ABCA13: variants seen among roughly 807,000 people sequenced by gnomAD.
ABCA13 encodes ATP binding cassette subfamily A member 13, also known as ATP-binding cassette sub-family A member 13.
ABCA13 carries 476 observed loss-of-function variants against 478.7 expected under a neutral mutation model. The observed-to-expected ratio is 0.99, with a 90% CI of 0.92 to 1.07. The LOEUF is 1.07. Among genes scored for constraint, ABCA13 ranks in the 50% least tolerant of loss-of-function variants. ABCA13 has a pLI of 0.00. For synonymous variants in ABCA13, 2,252 were observed against 2,158.9 expected (o/e 1.04, Z -1.20); for missense variants, 6,060 against 5,910.6 (o/e 1.03, Z -0.83).
At chr7:48,585,010 ATCTC>A (rs1238334923) in intron 56 of ABCA13, among the ~76,000 whole-genome samples, 1 of 151,912 alleles carries the variant, frequency 6.6e-6, no homozygotes, top group African/African-American at 2.4e-5. Flanking sequence ...TCCTTCCTTC[ATCTC>A]TCATATGAGT....
chr7:48,197,929 A>C (rs1798158616), intron 2 of ABCA13, among the ~76,000 whole-genome samples: 3 of 152,140 alleles, frequency 2.0e-5, no homozygotes, highest in Admixed American at 2.0e-4. Flanking sequence ...GGTGTCTGGA[A>C]GCTTGGCTGT....
At chr7:48,269,614 G>A (rs1431899059) in intron 16 of ABCA13, among the ~76,000 whole-genome samples, 2 of 152,168 alleles carry the variant, frequency 1.3e-5, no homozygotes, top group African/African-American at 4.8e-5. Flanking sequence ...GGTTATTTGT[G>A]GGGTGTATTG....
At chr7:48,404,018 C>G (rs771424901) in intron 39 of ABCA13, 139 bp downstream of exon 39, 1 of 1,025,710 alleles carries the variant, frequency 9.7e-7, no homozygotes, top group East Asian at 2.7e-5. Flanking sequence ...TTTTTAAAAG[C>G]ACTTATAGGG....
At chr7:48,184,124 T>C (rs1247561678) in intron 1 of ABCA13, among the ~76,000 whole-genome samples, 1 of 152,206 alleles carries the variant, frequency 6.6e-6, no homozygotes, top group Non-Finnish European at 1.5e-5. Flanking sequence ...CTCAGGCTTT[T>C]TACATTGTCC....
intron 14 of ABCA13, 47 bp from the exon 15 acceptor site, chr7:48,249,165 A>C: frequency 4.6e-6 from 7 of 1,524,122 alleles, no homozygotes; most frequent in Non-Finnish European, 6.3e-6. Context: ...GTCATCTGCA[A>C]GATCATTTTT....
chr7:48,465,974 C>T (rs1826835155), intron 43 of ABCA13, among the ~76,000 whole-genome samples: 2 of 151,984 alleles, frequency 1.3e-5, no homozygotes, highest in African/African-American at 4.8e-5. Context: ...CCAGGTATAT[C>T]TATATAATCT....
At position 48,645,406 on chromosome 7, in the gene ABCA13, G is replaced by GT. The variant is rs770440408; in HGVS notation, c.15082-4dup. 91 of 1,550,118 alleles carry GT rather than the reference G, an allele frequency of 5.9e-5. No individual in the cohort carries two copies. The highest frequency in any genetic ancestry group is 5.3e-4 in the African/African-American group (39 of 73,218). On this transcript the variant is annotated splice_polypyrimidine_tract_variant and intron_variant, in intron 61 of 61. Coordinates refer to ENST00000435803, the MANE Select transcript of ABCA13 (RefSeq NM_152701.5). Reference sequence around the variant, plus strand: ...CTTATAAGTAAACAACATTTTTATGGTTTTTTTCAGGTATTTATTAATTTT... The same window carrying GT: ...CTTATAAGTAAACAACATTTTTATGGTTTTTTTTCAGGTATTTATTAATTTT...
chr7:48,173,243 T>C (rs1271252166), intron 1 of ABCA13, among the ~76,000 whole-genome samples: 1 of 152,244 alleles, frequency 6.6e-6, no homozygotes, highest in Non-Finnish European at 1.5e-5. Context: ...TTAGTATTTA[T>C]CATCTTGTAA....
Position 48,272,948 on chromosome 7 carries a change from A to G in ABCA13, c.3282A>G (p.Leu1094=), listed in dbSNP as rs1350352237. Residue 1094 remains leucine, a synonymous_variant, in exon 17 of 62, where the codon CTA becomes CTG. Coordinates refer to ENST00000435803, the MANE Select transcript of ABCA13 (RefSeq NM_152701.5). ...TCTTCAACAGTTCAGTAGAAGACCTATTGGATAATAAATGCTTGATTTCGG... is the reference window on the plus strand; with the variant it reads ...TCTTCAACAGTTCAGTAGAAGACCTGTTGGATAATAAATGCTTGATTTCGG... The part of the protein sequence containing the change: ...SQFFNSSVED[L]LDNKCLISDN... The G allele has an allele frequency of 1.2e-6, 2 of 1,613,222 alleles. No homozygotes were observed. The highest frequency in any genetic ancestry group is 1.7e-6 in the Non-Finnish European group (2 of 1,179,558).
intron 60 of ABCA13, among the ~76,000 whole-genome samples, chr7:48,643,981 C>T (rs1252175177): frequency 6.6e-6 from 1 of 152,166 alleles, no homozygotes; most frequent in Non-Finnish European, 1.5e-5. Context: ...GTCTAAAAAT[C>T]TCTTGGATAA....
chr7:48,593,316 T>C (rs1410222329), intron 57 of ABCA13, among the ~76,000 whole-genome samples: 2 of 151,440 alleles, frequency 1.3e-5, no homozygotes, highest in Admixed American at 6.6e-5. Flanking sequence ...ACCAAGAATC[T>C]ATATAAAACA....
intron 29 of ABCA13, among the ~76,000 whole-genome samples, chr7:48,346,809 A>G (rs1808180254): frequency 1.3e-5 from 2 of 152,250 alleles, no homozygotes; most frequent in African/African-American, 4.8e-5. Context: ...GAAACAAGAT[A>G]AATAGTGCAA....
intron 3 of ABCA13, among the ~76,000 whole-genome samples, chr7:48,214,404 G>A (rs1447971420): frequency 6.6e-6 from 1 of 152,186 alleles, no homozygotes; most frequent in African/African-American, 2.4e-5. Flanking sequence ...GTCACCAGCT[G>A]TGTTAGCCCC....
At chr7:48,482,976 TA>T in intron 46 of ABCA13, 99 bp from the exon 47 acceptor site, 1 of 918,444 alleles carries the variant, frequency 1.1e-6, no homozygotes, top group South Asian at 1.8e-5. Context: ...GCTACTGTCC[TA>T]AGACTGCTGT....
chr7:48,259,987 A>T (rs924953903), intron 15 of ABCA13, among the ~76,000 whole-genome samples: 6 of 151,998 alleles, frequency 3.9e-5, no homozygotes, highest in Non-Finnish European at 7.4e-5. Flanking sequence ...TCTTTCTTGT[A>T]ATGACCATTT....
intron 35 of ABCA13, among the ~76,000 whole-genome samples, chr7:48,378,737 A>G (rs1813880908): frequency 1.3e-5 from 2 of 152,218 alleles, no homozygotes; most frequent in Admixed American, 6.5e-5. Flanking sequence ...CCAACTGGAG[A>G]AAAAGATCTG....
rs1486305486 is a variant in ABCA13, at chr7:48,388,063, T to C, written c.11473+104T>C. 21 of 1,241,372 alleles carry C rather than the reference T, an allele frequency of 1.7e-5. No individual in the cohort carries two copies. In the Admixed American group the frequency reaches 1.8e-4, roughly 11 times the overall value. The allele number at this position is 1,241,372 out of a possible 1,614,324, so 76.9% of individuals were successfully genotyped here. On this transcript the variant is annotated intron_variant, in intron 36 of 61. Transcript: ENST00000435803. ...TCCAGCCTTTTCAAGTGTGTGCTGA[T>C]TCCTAGAGAGACTTACATTTAGGCT...
chr7:48,617,734 C>T (rs527557106), intron 59 of ABCA13, among the ~76,000 whole-genome samples: 4 of 152,218 alleles, frequency 2.6e-5, no homozygotes, highest in African/African-American at 4.8e-5. Flanking sequence ...CATGAACAGT[C>T]GGGAACCCTT....
At chr7:48,243,866 T>TGAG (rs1047653625) in intron 10 of ABCA13, among the ~76,000 whole-genome samples, 4 of 152,210 alleles carry the variant, frequency 2.6e-5, no homozygotes, top group African/African-American at 7.2e-5. Context: ...TTATCACAGG[T>TGAG]GAGGATTCCA....
Sources: gnomAD v4.1 joint callset for allele counts (sites outside exome capture counted in the v4.1 genomes callset) on GRCh38, gnomAD v4.1.1 for gene constraint, MANE v1.5 for transcripts, NCBI Gene and HGNC (gene_info 2026-07-23, HGNC 2026-07-21) for gene names.